The following TMEM150C variants were observed in gnomAD, a reference collection of about 807,000 sequenced individuals.
TMEM150C encodes transmembrane protein 150C.
Under a neutral mutation model 29.9 loss-of-function variants are expected in TMEM150C, and 10 were observed. The observed-to-expected ratio is 0.33, with a 90% CI of 0.21 to 0.57. The LOEUF (loss-of-function observed/expected upper bound fraction) is 0.57, where lower values mean the gene tolerates loss of function less well. TMEM150C is among the 20% of genes least tolerant of loss of function. The pLI, the probability that TMEM150C is intolerant of heterozygous loss-of-function variation, is 0.88. For missense variants in TMEM150C, 251 were observed against 303.6 expected (o/e 0.83, Z 1.29); for synonymous variants, 101 against 112.5 (o/e 0.90, Z 0.64).
At chr4:82,529,216 C>T (rs1724753810) in intron 1 of TMEM150C, among the ~76,000 whole-genome samples, 1 of 151,980 alleles carries the variant, frequency 6.6e-6, no homozygotes, top group South Asian at 2.1e-4. Context: ...AGCAGAAGCA[C>T]AAGAGAGTTG....
intron 1 of TMEM150C, among the ~76,000 whole-genome samples, chr4:82,532,575 AAT>A (rs1161064593): frequency 6.6e-6 from 1 of 152,084 alleles, no homozygotes; most frequent in Admixed American, 6.6e-5. Context: ...AAGTATCTAT[AAT>A]ATATATATGT....
At chr4:82,546,121 G>T (rs1464594979) in intron 1 of TMEM150C, among the ~76,000 whole-genome samples, 1 of 152,148 alleles carries the variant, frequency 6.6e-6, no homozygotes, top group Non-Finnish European at 1.5e-5. Flanking sequence ...TATGCTCACA[G>T]ATTGGAAGAA....
intron 7 of TMEM150C, among the ~76,000 whole-genome samples, chr4:82,487,399 A>G (rs1354349291): frequency 1.3e-5 from 2 of 152,160 alleles, no homozygotes; most frequent in Admixed American, 6.5e-5. Flanking sequence ...CAGTGAGCCA[A>G]TATCATGCCC....
chr4:82,543,144 G>A (rs1725246685), intron 1 of TMEM150C, among the ~76,000 whole-genome samples: 1 of 152,158 alleles, frequency 6.6e-6, no homozygotes, highest in African/African-American at 2.4e-5. Context: ...TGGGCCCAGG[G>A]GGTCTAACTC....
chr4:82,533,621 T>C (rs1164585122), intron 1 of TMEM150C, among the ~76,000 whole-genome samples: 6 of 152,230 alleles, frequency 3.9e-5, no homozygotes, highest in Non-Finnish European at 7.3e-5. Context: ...CAATTGGTAC[T>C]GCAGAAAGAT....
intron 1 of TMEM150C, among the ~76,000 whole-genome samples, chr4:82,552,879 A>G (rs532361018): frequency 7.0e-4 from 106 of 152,296 alleles, no homozygotes; most frequent in African/African-American, 2.5e-3. Context: ...GGCAAAGGTC[A>G]ATGGTCTGTC....
At chr4:82,523,406 A>T (rs559556948) in intron 1 of TMEM150C, among the ~76,000 whole-genome samples, 3 of 152,218 alleles carry the variant, frequency 2.0e-5, no homozygotes, top group Non-Finnish European at 4.4e-5. Flanking sequence ...CTCTCATCCC[A>T]GCCTTTTAAT....
rs1474293313 is a variant in TMEM150C, at chr4:82,485,326, T to C, written c.*185A>G. 8.4e-6 allele frequency: 5 copies of C among 595,792 alleles called. No individual in the cohort carries two copies. The African/African-American group carries it at 9.3e-5, about 11-fold the overall frequency. 36.9% of individuals were successfully genotyped at this position (595,792 alleles called of 1,614,324 possible). On this transcript the variant is annotated 3_prime_UTR_variant, in exon 8 of 8. Coordinates refer to ENST00000449862, the MANE Select transcript of TMEM150C (RefSeq NM_001080506.3). ...GTGTAACAGCGTGTATTTCGACACA[T>C]AAGGGCTTGTGCTTTTTCATTAAAG...
At chr4:82,487,819 C>A (rs79183451) in intron 7 of TMEM150C, among the ~76,000 whole-genome samples, 7,584 of 152,068 alleles carry the variant, frequency 0.05, 270 homozygotes, top group Non-Finnish European at 0.067. Flanking sequence ...TTTATTCTTT[C>A]CCCCCCTCAT....
chr4:82,553,840 G>A (rs1560501596), intron 1 of TMEM150C, among the ~76,000 whole-genome samples: 1 of 152,148 alleles, frequency 6.6e-6, no homozygotes, highest in African/African-American at 2.4e-5. Flanking sequence ...ATCAGTTAAT[G>A]GAGAATTTTC....
At chr4:82,551,961 T>C (rs1278569690) in intron 1 of TMEM150C, among the ~76,000 whole-genome samples, 1 of 152,180 alleles carries the variant, frequency 6.6e-6, no homozygotes, top group Non-Finnish European at 1.5e-5. Flanking sequence ...TGATCCTTCA[T>C]AAATGTCTTG....
intron 1 of TMEM150C, among the ~76,000 whole-genome samples, chr4:82,518,616 T>A (rs1426618635): frequency 6.6e-6 from 1 of 152,146 alleles, no homozygotes; most frequent in African/African-American, 2.4e-5. Context: ...GGGGGGATCA[T>A]CCTTTGAGAC....
At chr4:82,547,403 A>G (rs1725421800) in intron 1 of TMEM150C, among the ~76,000 whole-genome samples, 1 of 152,086 alleles carries the variant, frequency 6.6e-6, no homozygotes, top group South Asian at 2.1e-4. Flanking sequence ...AGTCTGGCCA[A>G]TATGGTGAAA....
At chr4:82,490,492 A>G (rs556656287) in intron 6 of TMEM150C, among the ~76,000 whole-genome samples, 8 of 152,374 alleles carry the variant, frequency 5.3e-5, no homozygotes, top group Admixed American at 4.6e-4. Flanking sequence ...AAGGAGAGTT[A>G]CAGAAAAAGA....
At position 82,485,524 on chromosome 4, in the gene TMEM150C, G is replaced by T; in HGVS notation, c.737C>A (p.Thr246Asn). Residue 246 changes from threonine (T) to asparagine (N), a missense_variant, in exon 8 of 8, where the codon ACT becomes AAT. By Grantham distance (65) the Thr-to-Asn change is moderately conservative. Coordinates refer to ENST00000449862, the MANE Select transcript of TMEM150C (RefSeq NM_001080506.3). ...AAAACTGATGGTTTACACCTGGTCA[G>T]TCTGATATTCAGAAGCTTCTGACAG... ...ESLSEASEYQ[T>N]DQV 1 of 1,600,348 alleles carries T rather than the reference G, an allele frequency of 6.2e-7. No homozygotes were observed.
intron 1 of TMEM150C, chr4:82,509,935 C>A (rs1724066680): frequency 6.6e-6 from 1 of 152,116 alleles, no homozygotes; most frequent in South Asian, 2.1e-4. Flanking sequence ...CATAGCATAC[C>A]ATTACCCATG....
intron 1 of TMEM150C, among the ~76,000 whole-genome samples, chr4:82,537,964 T>G (rs1184282932): frequency 7.2e-5 from 11 of 152,196 alleles, no homozygotes; most frequent in Admixed American, 7.2e-4. Flanking sequence ...TCTGTGGTAA[T>G]TTGTTGTGGC....
At chr4:82,533,969 T>C (rs2110084237) in intron 1 of TMEM150C, among the ~76,000 whole-genome samples, 1 of 152,348 alleles carries the variant, frequency 6.6e-6, no homozygotes, top group East Asian at 1.9e-4. Flanking sequence ...CCAAAGTTGG[T>C]GCGATCCCTA....
chr4:82,502,748 T>A lies in TMEM150C; in HGVS notation c.214A>T (p.Met72Leu), dbSNP rs767334822. The A allele has an allele frequency of 9.9e-6, 16 of 1,610,118 alleles. No homozygotes were observed. The highest frequency in any genetic ancestry group is 1.3e-5 in the Non-Finnish European group (15 of 1,178,166). ...TTACCTAGGAAGGCTGCCATGTTCA[T>A]AACTTGACTAAACACACAGCTTGCA... ...PPASCVFSQVMNMAAFLALVV... is the reference protein window; with the variant it reads ...PPASCVFSQVLNMAAFLALVV... Residue 72 changes from methionine to leucine, a missense_variant, in exon 5 of 8, where the codon ATG (methionine) becomes TTG (leucine). Coordinates refer to ENST00000449862, the MANE Select transcript of TMEM150C (RefSeq NM_001080506.3).
Sources: allele counts gnomAD v4.1 joint callset (sites outside exome capture counted in the v4.1 genomes callset), GRCh38; gene constraint gnomAD v4.1.1; transcripts MANE v1.5; gene names NCBI Gene and HGNC (gene_info 2026-07-23, HGNC 2026-07-21).